Variants in MAP3K7CL observed in about 807,000 individuals in gnomAD.
MAP3K7CL encodes the protein MAP3K7 C-terminal like, also known as MAP3K7 C-terminal-like protein.
MAP3K7CL carries 16 observed loss-of-function variants against 18.6 expected under a neutral mutation model. The ratio of observed to expected loss-of-function variants is 0.86; its 90% confidence interval spans 0.58 to 1.31. The LOEUF (loss-of-function observed/expected upper bound fraction) is 1.31. MAP3K7CL is among the 50% of genes most tolerant of loss of function. The pLI, the probability that MAP3K7CL is intolerant of heterozygous loss-of-function variation, is 0.00. For missense variants in MAP3K7CL, 163 were observed against 174.4 expected, an observed-to-expected ratio of 0.93 and a Z score of 0.37; for synonymous variants, 65 against 66.8, an observed-to-expected ratio of 0.97 and a Z score of 0.13.
At chr21:29,109,792 T>G (rs1356550178) in intron 4 of MAP3K7CL, 1 of 985,378 alleles carries the variant, frequency 1.0e-6, no homozygotes, top group African/African-American at 1.7e-5. Flanking sequence ...TTTACTTATA[T>G]CTTACGTTCT....
At chr21:29,147,392 T>C (rs554698912) in intron 2 of MAP3K7CL, among the ~76,000 whole-genome samples, 1 of 152,078 alleles carries the variant, frequency 6.6e-6, no homozygotes, top group African/African-American at 2.4e-5. Context: ...ATATGTACTG[T>C]ACTGCATATA....
chr21:29,120,297 C>T (rs2086570874), intron 4 of MAP3K7CL, among the ~76,000 whole-genome samples: 1 of 151,984 alleles, frequency 6.6e-6, no homozygotes, highest in African/African-American at 2.4e-5. Flanking sequence ...AAAGGTATCT[C>T]CTACAAAGGC....
chr21:29,170,426 G>A (rs1324553130), intron 4 of MAP3K7CL, among the ~76,000 whole-genome samples: 1 of 152,162 alleles, frequency 6.6e-6, no homozygotes, highest in Non-Finnish European at 1.5e-5. Context: ...ATTAATGACA[G>A]ATAGCTTCAG....
chr21:29,094,424 T>C (rs932263734), intron 4 of MAP3K7CL, among the ~76,000 whole-genome samples: 6 of 152,234 alleles, frequency 3.9e-5, no homozygotes, highest in Admixed American at 1.3e-4. Flanking sequence ...GGGTGGGGCC[T>C]AAGTATTTGA....
intron 3 of MAP3K7CL, among the ~76,000 whole-genome samples, chr21:29,091,914 G>A (rs1053524046): frequency 6.6e-6 from 1 of 152,134 alleles, no homozygotes; most frequent in Non-Finnish European, 1.5e-5. Context: ...GTTGGATACT[G>A]TTGTTATCAC....
intron 2 of MAP3K7CL, among the ~76,000 whole-genome samples, chr21:29,139,895 C>CTTT (rs5843369): frequency 1.1e-3 from 73 of 67,338 alleles, no homozygotes; most frequent in East Asian, 2.8e-3. Flanking sequence ...CCATCTCTGG[C>CTTT]TTTTTTTTTT....
intron 3 of MAP3K7CL, among the ~76,000 whole-genome samples, chr21:29,153,811 G>T (rs1160272886): frequency 6.6e-6 from 1 of 152,126 alleles, no homozygotes; most frequent in Non-Finnish European, 1.5e-5. Flanking sequence ...TCTAAAAGAT[G>T]GTGGCATCCT....
intron 1 of MAP3K7CL, among the ~76,000 whole-genome samples, chr21:29,132,372 G>A (rs796295666): frequency 3.9e-5 from 6 of 152,172 alleles, no homozygotes; most frequent in African/African-American, 1.4e-4. Context: ...ATGTTTTTGA[G>A]TCTTGTCTTT....
chr21:29,085,328 C>T (rs1299221640), upstream of MAP3K7CL, among the ~76,000 whole-genome samples: 1 of 152,106 alleles, frequency 6.6e-6, no homozygotes, highest in East Asian at 1.9e-4. Context: ...TTAGGTGAAA[C>T]CATTGCATTG....
intron 2 of MAP3K7CL, among the ~76,000 whole-genome samples, chr21:29,136,531 TA>T (rs1230689144): frequency 1.5e-5 from 2 of 132,284 alleles, no homozygotes; most frequent in African/African-American, 5.6e-5. Flanking sequence ...TTTTTTATTT[TA>T]TTTTTTTTTT....
At chr21:29,123,055 C>CTTTT (rs1166550061) in intron 4 of MAP3K7CL, among the ~76,000 whole-genome samples, 3 of 89,318 alleles carry the variant, frequency 3.4e-5, no homozygotes, top group African/African-American at 5.3e-5. Flanking sequence ...AAGAAATGAT[C>CTTTT]TTTTTTTTTT....
At chr21:29,158,987 C>G (rs1471771948) in intron 3 of MAP3K7CL, among the ~76,000 whole-genome samples, 1 of 127,874 alleles carries the variant, frequency 7.8e-6, no homozygotes, top group African/African-American at 3.1e-5. Context: ...GTGGCATGAT[C>G]TCGGCTCACT....
intron 3 of MAP3K7CL, among the ~76,000 whole-genome samples, chr21:29,149,809 T>C (rs1456232284): frequency 1.3e-5 from 2 of 152,256 alleles, no homozygotes; most frequent in Non-Finnish European, 2.9e-5. Flanking sequence ...GATATTTTAA[T>C]ACACCAGAAT....
Position 29,174,708 on chromosome 21 carries a change from T to G in MAP3K7CL, c.249-4T>G, listed in dbSNP as rs757810401. On this transcript the variant is annotated splice_polypyrimidine_tract_variant and splice_region_variant and intron_variant, in intron 4 of 4. Coordinates refer to ENST00000399928, the MANE Select transcript of MAP3K7CL (RefSeq NM_001286620.2). The stretch of plus-strand genomic sequence containing the variant: ...TCTTCCTGCCCTTTACCCCGAATCT[T>G]CAGGAAGGAGCTCATTGCCAAGTTA... The G allele has an allele frequency of 2.2e-5, 35 of 1,613,898 alleles. No homozygotes were observed. Among genetic ancestry groups the G allele is most frequent in the Non-Finnish European group, 2.5e-5 (30 of 1,179,946 alleles).
intron 2 of MAP3K7CL, 54 bp downstream of exon 2, chr21:29,133,468 A>G (rs2086819031): frequency 7.5e-7 from 1 of 1,335,108 alleles, no homozygotes; most frequent in Non-Finnish European, 1.0e-6. Context: ...CCTTTCTAGC[A>G]TCTTTTCTAA....
chr21:29,098,059 T>C (rs1431704725), intron 4 of MAP3K7CL, among the ~76,000 whole-genome samples: 1 of 152,196 alleles, frequency 6.6e-6, no homozygotes, highest in African/African-American at 2.4e-5. Context: ...AGTTTCTTGG[T>C]CATGCTAGCC....
chr21:29,087,663 C>T (rs898395275), intron 1 of MAP3K7CL, among the ~76,000 whole-genome samples: 1 of 149,864 alleles, frequency 6.7e-6, no homozygotes, highest in Admixed American at 6.7e-5. Flanking sequence ...GCGCGATCTC[C>T]GCTCACTGCA....
chr21:29,158,500 A>G (rs1483376743), intron 3 of MAP3K7CL, among the ~76,000 whole-genome samples: 1 of 152,194 alleles, frequency 6.6e-6, no homozygotes, highest in Non-Finnish European at 1.5e-5. Context: ...ACCTAAATCT[A>G]TTTAGAATTT....
chr21:29,131,015 C>A (rs1486061423), intron 1 of MAP3K7CL, 92 bp downstream of exon 1: 2 of 816,412 alleles, frequency 2.4e-6, no homozygotes, highest in East Asian at 2.5e-4. Context: ...AGAGAAGGAA[C>A]CTGTGGTTCG....
Sources: gnomAD v4.1 joint callset for allele counts (sites outside exome capture counted in the v4.1 genomes callset) on GRCh38, gnomAD v4.1.1 for gene constraint, MANE v1.5 for transcripts, NCBI Gene and HGNC (gene_info 2026-07-23, HGNC 2026-07-21) for gene names.